Variants in FRMD4B observed in about 807,000 individuals in gnomAD.
FRMD4B encodes FERM domain-containing protein 4B.
In FRMD4B, 74 loss-of-function variants were observed where a neutral mutation model predicts 141.5. The observed-to-expected ratio is 0.52, with a 90% CI of 0.43 to 0.63. The LOEUF (loss-of-function observed/expected upper bound fraction) is 0.63, where lower values mean the gene tolerates loss of function less well. Among genes scored for constraint, FRMD4B ranks in the 30% least tolerant of loss-of-function variants. The probability of loss-of-function intolerance (pLI) is 0.00; values close to 1 mark genes in which losing one functional copy is unlikely to be tolerated. For synonymous variants in FRMD4B, 506 were observed against 467.9 expected, an observed-to-expected ratio of 1.08 and a Z score of -1.05; for missense variants, 1,366 against 1,253.4, an observed-to-expected ratio of 1.09 and a Z score of -1.36.
chr3:69,236,244 T>C (rs924357048), intron 7 of FRMD4B, among the ~76,000 whole-genome samples: 21 of 151,340 alleles, frequency 1.4e-4, no homozygotes, highest in Admixed American at 3.9e-4. Context: ...TTTTTTTTTT[T>C]CCGAGATGGA....
chr3:69,373,661 G>A (rs995771581), intron 1 of FRMD4B, among the ~76,000 whole-genome samples: 1 of 152,098 alleles, frequency 6.6e-6, no homozygotes, highest in Non-Finnish European at 1.5e-5. Context: ...TTGCTTGAGG[G>A]CAGGATTTCA....
At chr3:69,498,048 G>A (rs140712200) in intron 1 of FRMD4B, among the ~76,000 whole-genome samples, 283 of 152,282 alleles carry the variant, frequency 1.9e-3, no homozygotes, top group African/African-American at 6.7e-3. Context: ...AAGAGTGGCT[G>A]GGGAGAATGC....
At chr3:69,444,152 C>A (rs371242794) in intron 1 of FRMD4B, among the ~76,000 whole-genome samples, 3 of 152,282 alleles carry the variant, frequency 2.0e-5, no homozygotes, top group East Asian at 3.9e-4. Flanking sequence ...GCCCACCAAA[C>A]TATCCTTGAA....
chr3:69,244,015 A>T (rs2093406823), intron 7 of FRMD4B, among the ~76,000 whole-genome samples: 3 of 152,278 alleles, frequency 2.0e-5, no homozygotes, highest in Admixed American at 1.3e-4. Context: ...ACTGCACTCT[A>T]GCCTGGGCGA....
In FRMD4B at chr3:69,200,861, T is replaced by C. The variant is rs1398888204; in HGVS notation, c.877-2087A>G. 3 of 463,386 alleles carry C rather than the reference T, an allele frequency of 6.5e-6. No individual in the cohort carries two copies. In the East Asian group the frequency reaches 2.1e-4, roughly 32 times the overall value. The allele number at this position is 463,386 out of a possible 1,614,324, so 28.7% of individuals were successfully genotyped here. A position where few individuals can be genotyped will look rare whatever the true frequency, so the allele number is the denominator to read the frequency against. ...GAAGAGTTACAATGCAGCTCAGCTG[T>C]GTTTTCCTTTGCGTCCATTCCCACA... On this transcript the variant is annotated intron_variant, in intron 11 of 22. Transcript: ENST00000398540.
At chr3:69,326,915 T>C (rs1702208825) in intron 1 of FRMD4B, among the ~76,000 whole-genome samples, 1 of 152,150 alleles carries the variant, frequency 6.6e-6, no homozygotes. Flanking sequence ...TTAAAACCAG[T>C]TGTTAGGCTG....
At chr3:69,200,958 A>G in intron 11 of FRMD4B, 1 of 431,040 alleles carries the variant, frequency 2.3e-6, no homozygotes, top group Non-Finnish European at 4.7e-6. Flanking sequence ...ATCACTTACA[A>G]ATGTGAAACC....
intron 1 of FRMD4B, among the ~76,000 whole-genome samples, chr3:69,435,430 G>A (rs145217898): frequency 5.3e-4 from 80 of 151,766 alleles, no homozygotes; most frequent in African/African-American, 1.9e-3. Flanking sequence ...AGCATCACAA[G>A]ACTATGCTTG....
intron 2 of FRMD4B, among the ~76,000 whole-genome samples, chr3:69,413,985 G>C (rs1381163734): frequency 6.6e-6 from 1 of 152,144 alleles, no homozygotes; most frequent in Non-Finnish European, 1.5e-5. Flanking sequence ...TCGATTCTGG[G>C]ATGTTTTGTT....
chr3:69,480,101 C>T (rs1034034663), intron 1 of FRMD4B, among the ~76,000 whole-genome samples: 16 of 152,166 alleles, frequency 1.1e-4, no homozygotes, highest in Non-Finnish European at 1.3e-4. Flanking sequence ...TCTAGTTATA[C>T]ATTCGTCTAA....
intron 1 of FRMD4B, among the ~76,000 whole-genome samples, chr3:69,360,789 G>T (rs1453201642): frequency 6.6e-6 from 1 of 152,080 alleles, no homozygotes; most frequent in Admixed American, 6.6e-5. Flanking sequence ...CTATCTCATA[G>T]GTCGCCACTT....
intron 9 of FRMD4B, among the ~76,000 whole-genome samples, chr3:69,221,578 T>C (rs1412166413): frequency 6.6e-6 from 1 of 152,192 alleles, no homozygotes; most frequent in Non-Finnish European, 1.5e-5. Context: ...TTGCCTCTAC[T>C]CAGGATGAAA....
intron 1 of FRMD4B, among the ~76,000 whole-genome samples, chr3:69,494,464 TG>T (rs1261995099): frequency 6.6e-6 from 1 of 152,228 alleles, no homozygotes; most frequent in Non-Finnish European, 1.5e-5. Flanking sequence ...AAAGGGTCAG[TG>T]TTCCCAGATA....
chr3:69,345,030 G>A (rs1702884219), intron 1 of FRMD4B, among the ~76,000 whole-genome samples: 1 of 152,084 alleles, frequency 6.6e-6, no homozygotes, highest in Admixed American at 6.6e-5. Context: ...AGCTGAAGCA[G>A]GGTGAGGCAT....
chr3:69,410,650 T>G (rs1160491468), intron 2 of FRMD4B, among the ~76,000 whole-genome samples: 1 of 149,378 alleles, frequency 6.7e-6, no homozygotes, highest in Non-Finnish European at 1.5e-5. Context: ...GTTCAGCATC[T>G]TCTCTTAATA....
intron 1 of FRMD4B, among the ~76,000 whole-genome samples, chr3:69,517,305 T>C (rs557649473): frequency 6.6e-6 from 1 of 152,286 alleles, no homozygotes; most frequent in African/African-American, 2.4e-5. Context: ...TTCATTCCAC[T>C]TTTTCCTCTG....
intron 1 of FRMD4B, among the ~76,000 whole-genome samples, chr3:69,374,387 G>A (rs920461777): frequency 6.6e-6 from 1 of 152,052 alleles, no homozygotes; most frequent in South Asian, 2.1e-4. Context: ...TCTCTCTTAG[G>A]TAATAAGCAT....
chr3:69,232,728 C>T (rs749893873), intron 7 of FRMD4B, among the ~76,000 whole-genome samples: 2 of 152,074 alleles, frequency 1.3e-5, no homozygotes, highest in African/African-American at 4.8e-5. Flanking sequence ...CAATCAGCCA[C>T]CTGCTATCAG....
intron 1 of FRMD4B, among the ~76,000 whole-genome samples, chr3:69,319,411 T>TA (rs997380925): frequency 2.6e-5 from 4 of 152,144 alleles, no homozygotes; most frequent in Non-Finnish European, 4.4e-5. Context: ...TTTTCCTATT[T>TA]AAAAAAACAC....
Sources: gnomAD v4.1 joint callset for allele counts (sites outside exome capture counted in the v4.1 genomes callset) on GRCh38, gnomAD v4.1.1 for gene constraint, MANE v1.5 for transcripts, NCBI Gene and HGNC (gene_info 2026-07-23, HGNC 2026-07-21) for gene names.